The following TUBA1B variants were observed in gnomAD, a reference collection of about 807,000 sequenced individuals.
TUBA1B encodes the protein tubulin alpha-1B chain.
Under a neutral mutation model 34.4 loss-of-function variants are expected in TUBA1B, and 1 was observed. That is an observed-to-expected ratio of 0.03 (90% CI 0.01 to 0.14). TUBA1B has a LOEUF of 0.14. Among genes scored for constraint, TUBA1B ranks in the 10% least tolerant of loss-of-function variants. TUBA1B has a pLI of 1.00. For missense variants in TUBA1B, 54 were observed against 583.6 expected, an observed-to-expected ratio of 0.09 and a Z score of 9.35; for synonymous variants, 197 against 212.5, an observed-to-expected ratio of 0.93 and a Z score of 0.64.
At chr12:49,130,476 C>G (rs1157997452) in intron 1 of TUBA1B, 7 of 653,782 alleles carry the variant, frequency 1.1e-5, no homozygotes, top group South Asian at 1.6e-5. Context: ...CTGCCGGCAT[C>G]GGGCTCAGCC....
At position 49,127,888 on chromosome 12, in the gene TUBA1B, CGT is replaced by C; in HGVS notation, c.*68_*69del. The C allele has an allele frequency of 2.5e-6, 4 of 1,607,942 alleles. No homozygotes were observed. Among genetic ancestry groups the C allele is most frequent in the Non-Finnish European group, 2.6e-6 (3 of 1,175,480 alleles). On this transcript the variant is annotated 3_prime_UTR_variant, in exon 4 of 4. Transcript: ENST00000336023. Reference sequence around the variant, plus strand: ...AAACAATCTAACCAGAAAGCTTTAACGTCTGTCAGTTAAGCTGAAGCTGAAAT... The same window carrying C: ...AAACAATCTAACCAGAAAGCTTTAACCTGTCAGTTAAGCTGAAGCTGAAAT...
In TUBA1B at chr12:49,129,954, A is replaced by ATTT. The variant is rs113292209; in HGVS notation, c.4-235_4-233dup. On this transcript the variant is annotated intron_variant, in intron 1 of 3. Transcript: ENST00000336023. ...GACCACCAAGCTGGCTAATTTTTTC[A>ATTT]TTTTTTTTGTGGAGATGAGGTCTGG... is the stretch of plus-strand genomic sequence containing the variant. 2.8e-5 allele frequency: 29 copies of ATTT among 1,032,508 alleles called. No homozygotes were observed. The African/African-American group carries it at 4.1e-4, about 15-fold the overall frequency. The allele number at this position is 1,032,508 out of a possible 1,614,324, so 64.0% of individuals were successfully genotyped here.
chr12:49,131,218 G>A (rs1216058930), intron 1 of TUBA1B, 80 bp downstream of exon 1: 3 of 1,538,672 alleles, frequency 1.9e-6, no homozygotes, highest in South Asian at 2.4e-5. Flanking sequence ...CTTCCCGGCT[G>A]TATACAGGGC....
rs747066841 is a variant in TUBA1B at position 49,131,289 on chromosome 12, C to CTT, written c.3+7_3+8dup. 1 of 1,610,620 alleles carries CTT rather than the reference C, an allele frequency of 6.2e-7. No homozygotes were observed. Among genetic ancestry groups the CTT allele is most frequent in the South Asian group, 1.1e-5 (1 of 90,288 alleles). On this transcript the variant is annotated intron_variant, in intron 1 of 3. Transcript: ENST00000336023. The stretch of plus-strand genomic sequence containing the variant: ...CTGAAAGCAGCCGGGAGCCGCACGG[C>CTT]TTACTCACCATAGTGGCTAGGGATT...
At chr12:49,130,528 G>T in intron 1 of TUBA1B, 1 of 378,924 alleles carries the variant, frequency 2.6e-6, no homozygotes, top group Non-Finnish European at 5.0e-6. Context: ...GAGATTATCG[G>T]CGGCCCAGAT....
chr12:49,131,234 C>CG (rs1327937112), intron 1 of TUBA1B, 64 bp downstream of exon 1: 1 of 1,566,068 alleles, frequency 6.4e-7, no homozygotes, highest in Non-Finnish European at 8.7e-7. Context: ...AGGGCCCCAG[C>CG]GCCCCGCCGG....
rs115596288 is a variant in TUBA1B at position 49,130,410 on chromosome 12, G to A, written c.4-688C>T. On this transcript the variant is annotated intron_variant, in intron 1 of 3. Transcript: ENST00000336023. ...TTGCGCCCCCCGGCGGTGCTGCAGA[G>A]GCACGAAATGGCCACGTCTGCAAAG... 1.3e-3 allele frequency: 1,598 copies of A among 1,239,480 alleles called. 14 individuals are homozygous for A. The African/African-American group carries it at 0.021, about 17-fold the overall frequency. The allele number at this position is 1,239,480 out of a possible 1,614,324, so 76.8% of individuals were successfully genotyped here.
At chr12:49,130,764 G>A (rs1941794725) in intron 1 of TUBA1B, 2 of 185,552 alleles carry the variant, frequency 1.1e-5, no homozygotes, top group East Asian at 2.8e-4. Context: ...GACACGCCCT[G>A]TAGCCCTAGT....
intron 1 of TUBA1B, chr12:49,130,067 TACTTTTGAGA>T: frequency 8.4e-7 from 1 of 1,185,810 alleles, no homozygotes; most frequent in Middle Eastern, 3.0e-4. Context: ...TAAGATGTAC[TACTTTTGAGA>T]ACAGCTACAC....
chr12:49,131,361 C>G lies in TUBA1B; in HGVS notation c.-61G>C. On this transcript the variant is annotated 5_prime_UTR_variant, in exon 1 of 4. Coordinates refer to ENST00000336023, the MANE Select transcript of TUBA1B (RefSeq NM_006082.3). Reference sequence around the variant, plus strand: ...CAGACACCGGGTCCCGGTTACCGTCCCCGACAAGCTAAGAGTCGAGGTAAG... The same window carrying G: ...CAGACACCGGGTCCCGGTTACCGTCGCCGACAAGCTAAGAGTCGAGGTAAG... The G allele has an allele frequency of 5.0e-6, 8 of 1,597,756 alleles. No individual in the cohort carries two copies. The highest frequency in any genetic ancestry group is 1.1e-5 in the South Asian group (1 of 89,192).
Position 49,129,381 on chromosome 12 carries a change from C to T in TUBA1B, c.236G>A (p.Arg79His), listed in dbSNP as rs375821499. Residue 79 changes from arginine (R) to histidine (H), a missense_variant, in exon 3 of 4, where the codon CGC becomes CAC. Coordinates refer to ENST00000336023, the MANE Select transcript of TUBA1B (RefSeq NM_006082.3). ...GAAGAGCTGGCGGTAGGTGCCAGTG[C>T]GAACTTCATCTGGAGGAGGGAGAGA... The part of the protein sequence containing the change: ...DLEPTVIDEV[R>H]TGTYRQLFHP... 1 of 1,614,128 alleles carries T rather than the reference C, an allele frequency of 6.2e-7. No homozygotes were observed. The highest frequency in any genetic ancestry group is 8.5e-7 in the Non-Finnish European group (1 of 1,180,038).
chr12:49,130,865 T>G (rs896872250), intron 1 of TUBA1B: 11 of 169,398 alleles, frequency 6.5e-5, no homozygotes, highest in Middle Eastern at 3.1e-3. Flanking sequence ...TGCGCGCTTT[T>G]GTCTCCAGCT....
At chr12:49,130,714 T>TA (rs1941794028) in intron 1 of TUBA1B, 1 of 199,324 alleles carries the variant, frequency 5.0e-6, no homozygotes, top group African/African-American at 2.3e-5. Flanking sequence ...GCAGTCCTCT[T>TA]ATTGCTTTCA....
intron 1 of TUBA1B, 53 bp downstream of exon 1, chr12:49,131,245 C>T: frequency 6.3e-7 from 1 of 1,584,828 alleles, no homozygotes; most frequent in African/African-American, 1.3e-5. Context: ...GCCCCGCCGG[C>T]TCGCTTTTCC....
rs201528860 is a variant in TUBA1B at position 49,129,614 on chromosome 12, T to C, written c.112A>G (p.Ser38Gly). 8.7e-6 allele frequency: 14 copies of C among 1,614,110 alleles called. No individual in the cohort carries two copies. ...HGIQPDGQMP[S>G]DKTIGGGDDS... ...TCTCCTCCCCCAATGGTCTTGTCACTTGGCATCTGGCCATCGGGCTGGATG... is the reference window on the plus strand; with the variant it reads ...TCTCCTCCCCCAATGGTCTTGTCACCTGGCATCTGGCCATCGGGCTGGATG... The change falls in exon 2 of 4, where the codon AGT becomes GGT. Residue 38 changes from serine to glycine, a missense_variant. This residue lies in a region of TUBA1B where 28 missense variants were observed against 203.8 expected (regional missense o/e 0.14). Transcript: ENST00000336023.
intron 1 of TUBA1B, chr12:49,131,085 A>G (rs1385597019): frequency 1.9e-6 from 1 of 540,178 alleles, no homozygotes; most frequent in Non-Finnish European, 3.3e-6. Context: ...GTCCGAGAAG[A>G]AATCCTGGCG....
intron 1 of TUBA1B, chr12:49,130,018 T>C (rs1393722346): frequency 2.3e-5 from 26 of 1,117,134 alleles, no homozygotes; most frequent in Non-Finnish European, 3.1e-5. Context: ...TGAAAACGAA[T>C]TTCCTTTTCT....
Position 49,131,284 on chromosome 12 carries a change from C to A in TUBA1B, c.3+14G>T, listed in dbSNP as rs369811695. On this transcript the variant is annotated intron_variant, in intron 1 of 3. Transcript: ENST00000336023. ...CTTCCCTGAAAGCAGCCGGGAGCCG[C>A]ACGGCTTACTCACCATAGTGGCTAG... 136 of 1,609,702 alleles carry A rather than the reference C, an allele frequency of 8.4e-5. No homozygotes were observed. The African/African-American group carries it at 1.7e-3, about 20-fold the overall frequency.
In TUBA1B at chr12:49,131,334, A is replaced by G. The variant is rs140919545; in HGVS notation, c.-34T>C. The G allele has an allele frequency of 1.9e-6, 3 of 1,610,168 alleles. No individual in the cohort carries two copies. The highest frequency in any genetic ancestry group is 1.7e-5 in the Admixed American group (1 of 59,586). Reference sequence around the variant, plus strand: ...GGGATTAGGAGGCGAAGGCGACAGGAGCAGACACCGGGTCCCGGTTACCGT... The same window carrying G: ...GGGATTAGGAGGCGAAGGCGACAGGGGCAGACACCGGGTCCCGGTTACCGT... On this transcript the variant is annotated 5_prime_UTR_variant, in exon 1 of 4. Coordinates refer to ENST00000336023, the MANE Select transcript of TUBA1B (RefSeq NM_006082.3).
Sources: allele counts gnomAD v4.1 joint callset, GRCh38; gene constraint gnomAD v4.1.1; regional missense constraint gnomAD v4.1.1; transcripts MANE v1.5; gene names NCBI Gene and HGNC (gene_info 2026-07-23, HGNC 2026-07-21).